ATP8A1: variants seen among roughly 807,000 people sequenced by gnomAD.
The protein encoded by ATP8A1 is phospholipid-transporting ATPase IA.
Under a neutral mutation model 177.7 loss-of-function variants are expected in ATP8A1, and 90 were observed. The observed-to-expected ratio is 0.51, with a 90% CI of 0.43 to 0.60. The LOEUF is 0.60. Among genes scored for constraint, ATP8A1 ranks in the 20% least tolerant of loss-of-function variants. The pLI, the probability that ATP8A1 is intolerant of heterozygous loss-of-function variation, is 0.00. For synonymous variants in ATP8A1, 493 were observed against 485.9 expected, an observed-to-expected ratio of 1.01 and a Z score of -0.19; for missense variants, 1,072 against 1,392.8, an observed-to-expected ratio of 0.77 and a Z score of 3.67.
chr4:42,514,504 T>C (rs1028923969), intron 22 of ATP8A1, among the ~76,000 whole-genome samples: 76 of 152,330 alleles, frequency 5.0e-4, no homozygotes, highest in African/African-American at 1.8e-3. Context: ...TCCATCTTGT[T>C]TTCAAGGAAA....
intron 25 of ATP8A1, among the ~76,000 whole-genome samples, chr4:42,479,603 G>T (rs557466559): frequency 6.6e-6 from 1 of 152,304 alleles, no homozygotes; most frequent in Admixed American, 6.5e-5. Flanking sequence ...ACAGAGGAGA[G>T]TGCTGATGTA....
chr4:42,614,603 G>A (rs1266158782), intron 5 of ATP8A1, among the ~76,000 whole-genome samples: 4 of 151,996 alleles, frequency 2.6e-5, no homozygotes, highest in Non-Finnish European at 5.9e-5. Context: ...GGCCTGTCTC[G>A]TTTTGGCTCA....
chr4:42,520,657 AG>A (rs1474317198), intron 22 of ATP8A1, among the ~76,000 whole-genome samples: 1 of 152,122 alleles, frequency 6.6e-6, no homozygotes, highest in Non-Finnish European at 1.5e-5. Flanking sequence ...TATAACATTT[AG>A]GGTGGGAGTA....
chr4:42,428,743 T>C (rs1267175938), intron 33 of ATP8A1, among the ~76,000 whole-genome samples: 1 of 152,192 alleles, frequency 6.6e-6, no homozygotes, highest in Non-Finnish European at 1.5e-5. Flanking sequence ...ATCTGACTTC[T>C]GATTGCTTTC....
chr4:42,639,387 G>C (rs1351237045), intron 1 of ATP8A1, among the ~76,000 whole-genome samples: 1 of 152,064 alleles, frequency 6.6e-6, no homozygotes, highest in East Asian at 1.9e-4. Context: ...GATGAGATGA[G>C]CCTGCTGCCT....
At chr4:42,450,925 T>C (rs903533018) in intron 30 of ATP8A1, among the ~76,000 whole-genome samples, 3 of 152,158 alleles carry the variant, frequency 2.0e-5, no homozygotes, top group African/African-American at 4.8e-5. Context: ...GACAAGGGAA[T>C]AGAGCCTAGG....
intron 30 of ATP8A1, among the ~76,000 whole-genome samples, chr4:42,449,061 C>T (rs1381200817): frequency 1.3e-5 from 2 of 152,122 alleles, no homozygotes; most frequent in Admixed American, 6.5e-5. Context: ...GTCTCGAACT[C>T]CTGACCTCAT....
At position 42,414,664 on chromosome 4, in the gene ATP8A1, G is replaced by A. The variant is rs1291779246; in HGVS notation, c.3360C>T (p.Asn1120=). 1 of 1,613,896 alleles carries A rather than the reference G, an allele frequency of 6.2e-7. No individual in the cohort carries two copies. Among genetic ancestry groups the A allele is most frequent in the Non-Finnish European group, 8.5e-7 (1 of 1,179,818 alleles). ...GTTGCAAGGATTCAGAGCGGTACAA[G>A]TTCACGTGGTTCTTCTTAAAGACGT... ...LKNVFKKNHV[N]LYRSESLQQN... Residue 1120 remains asparagine (N), a synonymous_variant, in exon 36 of 37, where the codon AAC becomes AAT. Coordinates refer to ENST00000381668, the MANE Select transcript of ATP8A1 (RefSeq NM_006095.2).
At position 42,587,169 on chromosome 4, in the gene ATP8A1, A is replaced by C. The variant is rs541844414; in HGVS notation, c.595-693T>G. On this transcript the variant is annotated intron_variant, in intron 8 of 36. Transcript: ENST00000381668. ...GAAATGTAAACTATTCCCCAAGATGAGTAAGATGAGTGAGAGTTTTTGAAT... is the reference window on the plus strand; with the variant it reads ...GAAATGTAAACTATTCCCCAAGATGCGTAAGATGAGTGAGAGTTTTTGAAT... Among the ~76,000 whole-genome samples, 19 of 152,352 alleles carry C rather than the reference A, an allele frequency of 1.2e-4. No individual in the cohort carries two copies. In the South Asian group the frequency reaches 3.7e-3, roughly 30 times the overall value.
intron 1 of ATP8A1, among the ~76,000 whole-genome samples, chr4:42,654,344 T>A (rs192829758): frequency 3.3e-5 from 5 of 152,288 alleles, no homozygotes; most frequent in Admixed American, 3.3e-4. Context: ...GTAAACAACT[T>A]ACAGGCATGA....
intron 6 of ATP8A1, among the ~76,000 whole-genome samples, chr4:42,597,144 T>C (rs79383364): frequency 0.011 from 1,705 of 152,266 alleles, 28 homozygotes; most frequent in African/African-American, 0.038. Context: ...TTGAGGATCA[T>C]TAAAGAGCAA....
chr4:42,625,697 T>C lies in ATP8A1; in HGVS notation c.181A>G (p.Ile61Val). The C allele has an allele frequency of 6.2e-7, 1 of 1,601,520 alleles. No individual in the cohort carries two copies. Among genetic ancestry groups the C allele is most frequent in the Non-Finnish European group, 8.5e-7 (1 of 1,173,590 alleles). The change falls in exon 3 of 37, where the codon ATA becomes GTA. Residue 61 changes from isoleucine to valine, a missense_variant. By Grantham distance (29) the Ile-to-Val change is conservative (BLOSUM62 3). This residue lies in a region of ATP8A1 where 344 missense variants were observed against 393.5 expected (regional missense o/e 0.87). Transcript: ENST00000381668. ...NNHVSTAKYN[I>V]ITFLPRFLYS... ...AGAAATCTTGGAAGGAATGTGATTA[T>C]GTTGTATTTTGCAGTGCTAGAAAAC...
intron 20 of ATP8A1, among the ~76,000 whole-genome samples, chr4:42,530,659 C>G (rs967406744): frequency 6.6e-6 from 1 of 152,346 alleles, no homozygotes; most frequent in East Asian, 1.9e-4. Flanking sequence ...CATCCTGAAG[C>G]AGCTAGATTG....
intron 19 of ATP8A1, among the ~76,000 whole-genome samples, chr4:42,547,127 A>G (rs865905865): frequency 6.6e-6 from 1 of 152,150 alleles, no homozygotes; most frequent in African/African-American, 2.4e-5. Flanking sequence ...TGTATGTCTC[A>G]CAGTCATCTA....
chr4:42,635,810 T>TATATATATATATATATATAC (rs1305090729), intron 1 of ATP8A1, among the ~76,000 whole-genome samples: 17 of 103,872 alleles, frequency 1.6e-4, no homozygotes, highest in African/African-American at 4.7e-4. Flanking sequence ...TATATATATA[T>TATATATATATATATATATAC]ACACATGTAT....
intron 21 of ATP8A1, 77 bp from the exon 22 acceptor site, chr4:42,522,376 CA>C: frequency 6.5e-7 from 1 of 1,536,236 alleles, no homozygotes; most frequent in Non-Finnish European, 8.8e-7. Context: ...TTTTATTTCA[CA>C]AAGTCCCATT....
At chr4:42,527,244 G>A (rs1440549280) in intron 20 of ATP8A1, among the ~76,000 whole-genome samples, 2 of 152,124 alleles carry the variant, frequency 1.3e-5, no homozygotes, top group Admixed American at 6.5e-5. Context: ...GTTATCATGC[G>A]AATGGCTGAC....
Position 42,543,993 on chromosome 4 carries a change from GAA to G in ATP8A1, c.1653-9_1653-8del, listed in dbSNP as rs1162844626. The G allele has an allele frequency of 4.3e-6, 7 of 1,612,552 alleles. No individual in the cohort carries two copies. In the African/African-American group the frequency reaches 6.7e-5, roughly 15 times the overall value. On this transcript the variant is annotated splice_region_variant and splice_polypyrimidine_tract_variant and intron_variant, in intron 19 of 36. Transcript: ENST00000381668. ...TGACATTCTTTTCCTAGCACTGAAAGAAAGAGGTTTTGCATAATGTGTCATCA... is the reference window on the plus strand; with the variant it reads ...TGACATTCTTTTCCTAGCACTGAAAGAGAGGTTTTGCATAATGTGTCATCA...
chr4:42,480,378 T>C (rs930564417), intron 25 of ATP8A1, among the ~76,000 whole-genome samples: 6 of 152,178 alleles, frequency 3.9e-5, no homozygotes, highest in Non-Finnish European at 8.8e-5. Flanking sequence ...ATGAAAGAAA[T>C]ATTCTCTCAA....
Sources: gnomAD v4.1 joint callset for allele counts (sites outside exome capture counted in the v4.1 genomes callset) on GRCh38, gnomAD v4.1.1 for gene constraint, gnomAD v4.1.1 regional missense constraint, MANE v1.5 for transcripts, NCBI Gene and HGNC (gene_info 2026-07-23, HGNC 2026-07-21) for gene names.